The following SPATA20 variants were observed in gnomAD, a reference collection of about 807,000 sequenced individuals.
SPATA20 encodes the protein spermatogenesis associated 20.
In SPATA20, 74 loss-of-function variants were observed where a neutral mutation model predicts 98.9. The ratio of observed to expected loss-of-function variants is 0.75; its 90% confidence interval spans 0.62 to 0.91. The LOEUF is 0.91. SPATA20 is among the 40% of genes least tolerant of loss of function. The pLI is 0.00. For synonymous variants in SPATA20, 430 were observed against 440.5 expected (o/e 0.98, Z 0.30); for missense variants, 1,016 against 1,069.8 (o/e 0.95, Z 0.70).
intron 7 of SPATA20, 34 bp downstream of exon 7, chr17:50,549,521 T>C: frequency 6.3e-7 from 1 of 1,592,468 alleles, no homozygotes; most frequent in East Asian, 2.3e-5. Context: ...GCCCAGGCTT[T>C]GGCCTTCTGA....
rs1266667188 is a variant in SPATA20, at chr17:50,547,194, C to T, written c.-15C>T. On this transcript the variant is annotated 5_prime_UTR_variant, in exon 1 of 17. The change creates a new upstream start codon in the 5' untranslated region. Transcript: ENST00000006658. ...TTCCTGTCCTCAGCGGCCGGGCCCACGGCCCCGAGCAGCCATGCTGGGCGC... is the reference window on the plus strand; with the variant it reads ...TTCCTGTCCTCAGCGGCCGGGCCCATGGCCCCGAGCAGCCATGCTGGGCGC... The T allele has an allele frequency of 1.1e-5, 16 of 1,420,168 alleles. No individual in the cohort carries two copies. The highest frequency in any genetic ancestry group is 3.0e-5 in the Admixed American group (1 of 32,918). 88.0% of individuals were successfully genotyped at this position (1,420,168 alleles called of 1,614,324 possible). A position where few individuals can be genotyped will look rare whatever the true frequency, so the allele number is the denominator to read the frequency against.
At chr17:50,555,401 G>T (rs757726818) in intron 16 of SPATA20, 89 bp downstream of exon 16, 323 of 1,597,430 alleles carry the variant, frequency 2.0e-4, no homozygotes, top group Non-Finnish European at 2.6e-4. Flanking sequence ...CCCTCAGAAT[G>T]TTGGGAAGAG....
intron 14 of SPATA20, among the ~76,000 whole-genome samples, 188 bp downstream of exon 14, chr17:50,552,368 G>A (rs2035030524): frequency 6.6e-6 from 1 of 152,124 alleles, no homozygotes; most frequent in African/African-American, 2.4e-5. Flanking sequence ...GTCTTGCTAT[G>A]TTGCCCAGGC....
intron 7 of SPATA20, among the ~76,000 whole-genome samples, 177 bp downstream of exon 7, chr17:50,549,664 T>C (rs2034978745): frequency 6.6e-6 from 1 of 152,212 alleles, no homozygotes; most frequent in Non-Finnish European, 1.5e-5. Flanking sequence ...GTGTCAGCAG[T>C]GACCCTCTCA....
At chr17:50,552,311 C>T (rs1480385796) in intron 14 of SPATA20, 131 bp downstream of exon 14, 4 of 712,032 alleles carry the variant, frequency 5.6e-6, no homozygotes, top group Non-Finnish European at 9.2e-6. Flanking sequence ...TTTTTGGCTG[C>T]TGTAATATTT....
rs1244416654 is a variant in SPATA20, at chr17:50,550,219, C to A, written c.1005C>A (p.Arg335=). The A allele has an allele frequency of 6.2e-7, 1 of 1,612,532 alleles. No homozygotes were observed. The highest frequency in any genetic ancestry group is 2.2e-5 in the East Asian group (1 of 44,860). The change falls in exon 9 of 17, where the codon CGC becomes CGA. Residue 335 remains arginine (R), a synonymous_variant. Transcript: ENST00000006658. The part of the protein sequence containing the change: ...IRDHVGQGFH[R]YSTDRQWHVP... ...TTGTATCCGCACAGGGCTTTCACCG[C>A]TACTCCACAGACCGCCAGTGGCACG...
At chr17:50,547,364 TC>T in intron 1 of SPATA20, 79 bp downstream of exon 1, 1 of 1,240,964 alleles carries the variant, frequency 8.1e-7, no homozygotes, top group Non-Finnish European at 1.1e-6. Flanking sequence ...CGGACACCGG[TC>T]CCCAGTGCCA....
intron 15 of SPATA20, among the ~76,000 whole-genome samples, 200 bp from the exon 16 acceptor site, chr17:50,555,032 T>A (rs2035087790): frequency 6.6e-6 from 1 of 151,906 alleles, no homozygotes; most frequent in African/African-American, 2.4e-5. Flanking sequence ...GTATGACATT[T>A]CCACTTCGGT....
intron 13 of SPATA20, 98 bp from the exon 14 acceptor site, chr17:50,551,870 TG>T: frequency 2.4e-6 from 3 of 1,274,936 alleles, no homozygotes; most frequent in Non-Finnish European, 3.3e-6. Context: ...AGGGTTCATC[TG>T]GAGGGTTAAG....
At position 50,550,265 on chromosome 17, in the gene SPATA20, C is replaced by G. The variant is rs746134512; in HGVS notation, c.1051C>G (p.Leu351Val). Residue 351 changes from leucine to valine, a missense_variant, in exon 9 of 17, where the codon CTC becomes GTC. Coordinates refer to ENST00000006658, the MANE Select transcript of SPATA20 (RefSeq NM_022827.4). The stretch of plus-strand genomic sequence containing the variant: ...GCACGTCCCTCACTTTGAGAAGATG[C>G]TCTATGACCAGGCACAGCTCGCTGT... Reference protein sequence around the residue: ...QWHVPHFEKMLYDQAQLAVAY... With the variant: ...QWHVPHFEKMVYDQAQLAVAY... The G allele has an allele frequency of 1.9e-5, 31 of 1,608,342 alleles. No homozygotes were observed. The highest frequency in any genetic ancestry group is 2.6e-5 in the Non-Finnish European group (30 of 1,176,260).
intron 14 of SPATA20, among the ~76,000 whole-genome samples, 177 bp from the exon 15 acceptor site, chr17:50,554,074 A>G (rs533565291): frequency 5.3e-5 from 8 of 152,294 alleles, no homozygotes; most frequent in African/African-American, 1.9e-4. Context: ...TAAAAAAGAC[A>G]GCAAAGTACT....
Position 50,549,361 on chromosome 17 carries a change from A to G in SPATA20, c.736A>G (p.Ser246Gly), listed in dbSNP as rs747786089. 3 of 1,612,626 alleles carry G rather than the reference A, an allele frequency of 1.9e-6. No individual in the cohort carries two copies. The highest frequency in any genetic ancestry group is 2.2e-5 in the East Asian group (1 of 44,880). ...TTALLARSEI[S>G]VGDRQLPPSA... ...TGCCCTGCTGGCCCGATCAGAGATC[A>G]GCGTGGGTGACCGCCAGCTGCCGCC... Residue 246 changes from serine to glycine, a missense_variant, in exon 7 of 17, where the codon AGC becomes GGC. Transcript: ENST00000006658.
intron 2 of SPATA20, 107 bp from the exon 3 acceptor site, chr17:50,548,176 G>A: frequency 6.6e-7 from 1 of 1,504,116 alleles, no homozygotes; most frequent in Non-Finnish European, 8.8e-7. Flanking sequence ...GTTGGGCTGG[G>A]AGCAGGGGTC....
intron 14 of SPATA20, 135 bp downstream of exon 14, chr17:50,552,315 A>G (rs1006280011): frequency 2.9e-5 from 20 of 694,824 alleles, no homozygotes; most frequent in Non-Finnish European, 4.0e-5. Flanking sequence ...TGGCTGCTGT[A>G]ATATTTCTGT....
chr17:50,553,740 C>A (rs1388875477), intron 14 of SPATA20, among the ~76,000 whole-genome samples: 1 of 152,100 alleles, frequency 6.6e-6, no homozygotes, highest in South Asian at 2.1e-4. Flanking sequence ...GTCACTCTGA[C>A]CACTGATGGA....
chr17:50,555,623 C>T lies in SPATA20; in HGVS notation c.2370C>T (p.Ile790=), dbSNP rs1394867705. The T allele has an allele frequency of 6.2e-7, 1 of 1,613,966 alleles. No individual in the cohort carries two copies. Among genetic ancestry groups the T allele is most frequent in the Non-Finnish European group, 8.5e-7 (1 of 1,179,976 alleles). ...VCENQACSVP[I]TDPCELRKLL... The stretch of plus-strand genomic sequence containing the variant: ...AGAATCAAGCCTGCTCAGTGCCCAT[C>T]ACTGATCCCTGCGAATTACGAAAAC... Residue 790 remains isoleucine (I), a synonymous_variant, in exon 17 of 17, where the codon ATC becomes ATT. Transcript: ENST00000006658.
chr17:50,551,022 C>A lies in SPATA20; in HGVS notation c.1408C>A (p.Gln470Lys). 1 of 1,613,402 alleles carries A rather than the reference C, an allele frequency of 6.2e-7. No homozygotes were observed. Among genetic ancestry groups the A allele is most frequent in the Non-Finnish European group, 8.5e-7 (1 of 1,180,008 alleles). ...SQDPKGELQG[Q>K]NVLTVRYSLE... is the part of the protein sequence containing the mutation. Reference sequence around the variant, plus strand: ...GGACCCCAAGGGGGAGCTGCAGGGCCAGAATGTGCTGACCGTCCGGTACTC... The same window carrying A: ...GGACCCCAAGGGGGAGCTGCAGGGCAAGAATGTGCTGACCGTCCGGTACTC... Residue 470 changes from glutamine to lysine, a missense_variant, in exon 12 of 17, where the codon CAG becomes AAG. By Grantham distance (53) the Gln-to-Lys change is moderately conservative. Transcript: ENST00000006658.
intron 2 of SPATA20, 139 bp downstream of exon 2, chr17:50,547,906 G>T: frequency 7.0e-7 from 1 of 1,427,688 alleles, no homozygotes. Flanking sequence ...ACCCAGGCCT[G>T]CCAGAGAGAT....
chr17:50,552,788 A>G (rs759148159), intron 14 of SPATA20, among the ~76,000 whole-genome samples: 1 of 151,994 alleles, frequency 6.6e-6, no homozygotes, highest in African/African-American at 2.4e-5. Flanking sequence ...TACTGGGCTC[A>G]AGTGATCTGC....
Sources: gnomAD v4.1 joint callset for allele counts (sites outside exome capture counted in the v4.1 genomes callset) on GRCh38, gnomAD v4.1.1 for gene constraint, MANE v1.5 for transcripts, NCBI Gene and HGNC (gene_info 2026-07-23, HGNC 2026-07-21) for gene names.